The following PHACTR1 variants were observed in gnomAD, a reference collection of about 807,000 sequenced individuals.
The protein encoded by PHACTR1 is RPEL repeat containing 1.
Under a neutral mutation model 69.2 loss-of-function variants are expected in PHACTR1, and 16 were observed. The ratio of observed to expected loss-of-function variants is 0.23; its 90% CI spans 0.16 to 0.35. The LOEUF is 0.35. Among genes scored for constraint, PHACTR1 ranks in the 10% least tolerant of loss-of-function variants. PHACTR1 has a pLI of 1.00. For missense variants in PHACTR1, 510 were observed against 734.7 expected (o/e 0.69, Z 3.54); for synonymous variants, 312 against 284.5 (o/e 1.10, Z -0.97).
At chr6:13,229,734 T>G (rs1562032928) in intron 9 of PHACTR1, among the ~76,000 whole-genome samples, 2 of 152,172 alleles carry the variant, frequency 1.3e-5, no homozygotes, top group Non-Finnish European at 2.9e-5. Flanking sequence ...TCTCCCCCTT[T>G]GCAGTCCACT....
At chr6:12,940,443 G>A (rs905914818) in intron 4 of PHACTR1, among the ~76,000 whole-genome samples, 1 of 152,184 alleles carries the variant, frequency 6.6e-6, no homozygotes, top group Non-Finnish European at 1.5e-5. Flanking sequence ...AGGGTAAGAG[G>A]CTGGAAGAGT....
chr6:12,947,502 T>G (rs749041700), intron 4 of PHACTR1, among the ~76,000 whole-genome samples: 1 of 152,196 alleles, frequency 6.6e-6, no homozygotes, highest in Non-Finnish European at 1.5e-5. Context: ...GGATGATGAA[T>G]TAGTGACTTG....
intron 10 of PHACTR1, among the ~76,000 whole-genome samples, chr6:13,258,702 A>T (rs764339409): frequency 5.3e-5 from 8 of 152,212 alleles, no homozygotes; most frequent in Non-Finnish European, 7.3e-5. Context: ...AGACTCTGAC[A>T]GAGGGTTACT....
chr6:12,835,194 A>T (rs1484312232), intron 4 of PHACTR1, among the ~76,000 whole-genome samples: 1 of 152,062 alleles, frequency 6.6e-6, no homozygotes, highest in Non-Finnish European at 1.5e-5. Flanking sequence ...AAGAGGTGAG[A>T]AGTCAGGTGG....
At chr6:13,258,241 C>T (rs1412106578) in intron 10 of PHACTR1, among the ~76,000 whole-genome samples, 1 of 151,866 alleles carries the variant, frequency 6.6e-6, no homozygotes, top group African/African-American at 2.4e-5. Flanking sequence ...GCCTGTAATT[C>T]CAGCTTCTAG....
At chr6:13,240,253 C>T (rs1772633764) in intron 10 of PHACTR1, among the ~76,000 whole-genome samples, 1 of 152,042 alleles carries the variant, frequency 6.6e-6, no homozygotes, top group African/African-American at 2.4e-5. Flanking sequence ...TTAAGAGGCT[C>T]TTCTTAGGGT....
At chr6:13,044,002 C>CA (rs1239988646) in intron 4 of PHACTR1, among the ~76,000 whole-genome samples, 1 of 152,046 alleles carries the variant, frequency 6.6e-6, no homozygotes, top group Non-Finnish European at 1.5e-5. Context: ...GGAGATAAAA[C>CA]AAGAATTTTG....
chr6:12,786,931 T>C (rs1177756239), intron 4 of PHACTR1, among the ~76,000 whole-genome samples: 1 of 152,202 alleles, frequency 6.6e-6, no homozygotes, highest in East Asian at 1.9e-4. Context: ...CCCTACCTTC[T>C]ATTACTGAGG....
intron 3 of PHACTR1, among the ~76,000 whole-genome samples, chr6:12,731,286 T>C (rs978323945): frequency 3.3e-5 from 5 of 152,186 alleles, no homozygotes; most frequent in African/African-American, 1.2e-4. Context: ...AGTGCTGGGA[T>C]TACAGGTGTG....
intron 4 of PHACTR1, among the ~76,000 whole-genome samples, chr6:12,985,777 G>A (rs191327962): frequency 6.6e-6 from 1 of 151,634 alleles, no homozygotes; most frequent in East Asian, 1.9e-4. Context: ...ATAATATTAA[G>A]GGAAAGAAGC....
At chr6:13,237,549 C>A (rs949079370) in intron 10 of PHACTR1, among the ~76,000 whole-genome samples, 1 of 152,110 alleles carries the variant, frequency 6.6e-6, no homozygotes, top group Non-Finnish European at 1.5e-5. Context: ...GCCGAGGAGA[C>A]AATGAGACAG....
At chr6:12,984,171 A>G (rs1329870863) in intron 4 of PHACTR1, among the ~76,000 whole-genome samples, 1 of 152,226 alleles carries the variant, frequency 6.6e-6, no homozygotes, top group African/African-American at 2.4e-5. Flanking sequence ...CAACAGTGTA[A>G]AAGTGTTCCG....
intron 4 of PHACTR1, among the ~76,000 whole-genome samples, chr6:12,980,392 C>G (rs770856327): frequency 3.3e-5 from 5 of 152,096 alleles, no homozygotes; most frequent in Non-Finnish European, 5.9e-5. Context: ...CGTCACCCTT[C>G]CAGACCTAGA....
At chr6:12,770,044 C>T (rs1769184132) in intron 4 of PHACTR1, among the ~76,000 whole-genome samples, 1 of 152,132 alleles carries the variant, frequency 6.6e-6, no homozygotes, top group African/African-American at 2.4e-5. Flanking sequence ...GATGCTGATG[C>T]GATTTGAAAT....
chr6:13,047,112 T>C (rs1399979382), intron 4 of PHACTR1, among the ~76,000 whole-genome samples: 1 of 152,132 alleles, frequency 6.6e-6, no homozygotes, highest in Non-Finnish European at 1.5e-5. Flanking sequence ...CCGTGGAGGC[T>C]CACACCTGTA....
At chr6:13,236,372 C>G (rs11751747) in intron 10 of PHACTR1, among the ~76,000 whole-genome samples, 20,202 of 152,112 alleles carry the variant, frequency 0.13, 1,919 homozygotes, top group Admixed American at 0.24. Context: ...GCTGCCATAA[C>G]AGAGTCCCAC....
At chr6:12,920,046 C>CAG (rs1787467953) in intron 4 of PHACTR1, among the ~76,000 whole-genome samples, 1 of 152,130 alleles carries the variant, frequency 6.6e-6, no homozygotes, top group African/African-American at 2.4e-5. Flanking sequence ...CAAAAAGAGA[C>CAG]AGAGAAACTA....
chr6:12,866,360 C>T (rs930736044), intron 4 of PHACTR1, among the ~76,000 whole-genome samples: 1 of 152,126 alleles, frequency 6.6e-6, no homozygotes, highest in Non-Finnish European at 1.5e-5. Context: ...TAAACTTAAC[C>T]TATGGGCTAT....
rs558407956 is a variant in PHACTR1 at position 13,133,786 on chromosome 6, C to T, written c.416-26418C>T. Among the ~76,000 whole-genome samples the T allele has an allele frequency of 7.6e-3, 1,147 of 151,772 alleles. 15 individuals are homozygous for T. The highest frequency in any genetic ancestry group is 0.045 in the South Asian group (214 of 4,778). Reference sequence around the variant, plus strand: ...CTGGGATGTGAGGAGCCCCTCTGCCCGGCCGCCCAGTCTGGGAAGTGAGGA... The same window carrying T: ...CTGGGATGTGAGGAGCCCCTCTGCCTGGCCGCCCAGTCTGGGAAGTGAGGA... On this transcript the variant is annotated intron_variant, in intron 5 of 14. Transcript: ENST00000332995.
Sources: gnomAD v4.1 joint callset for allele counts (sites outside exome capture counted in the v4.1 genomes callset) on GRCh38, gnomAD v4.1.1 for gene constraint, MANE v1.5 for transcripts, NCBI Gene and HGNC (gene_info 2026-07-23, HGNC 2026-07-21) for gene names.